Variants in CNTN4 observed in about 807,000 individuals in gnomAD.
The protein encoded by CNTN4 is contactin 4.
In CNTN4, 77 loss-of-function variants were observed where a neutral mutation model predicts 122.5. The ratio of observed to expected loss-of-function variants is 0.63; its 90% CI spans 0.52 to 0.76. The LOEUF is 0.76. Among genes scored for constraint, CNTN4 ranks in the 30% least tolerant of loss-of-function variants. CNTN4 has a pLI of 0.00. For missense variants in CNTN4, 1,256 were observed against 1,259.1 expected, an observed-to-expected ratio of 1.00 and a Z score of 0.04; for synonymous variants, 512 against 447.0, an observed-to-expected ratio of 1.15 and a Z score of -1.83.
chr3:2,389,744 A>G (rs1166384325), intron 3 of CNTN4, among the ~76,000 whole-genome samples: 3 of 152,232 alleles, frequency 2.0e-5, no homozygotes, highest in Non-Finnish European at 4.4e-5. Context: ...GCAGATACCA[A>G]CTGAATCAAG....
intron 3 of CNTN4, among the ~76,000 whole-genome samples, chr3:2,564,263 A>G (rs1168957904): frequency 6.6e-6 from 1 of 152,192 alleles, no homozygotes; most frequent in African/African-American, 2.4e-5. Flanking sequence ...AATAAAAGTA[A>G]AAGTTAAATA....
intron 6 of CNTN4, among the ~76,000 whole-genome samples, chr3:2,792,636 G>C (rs998284352): frequency 1.3e-5 from 2 of 152,180 alleles, no homozygotes; most frequent in African/African-American, 2.4e-5. Flanking sequence ...GAAAGAATCA[G>C]CTACAGAAAC....
At chr3:2,550,158 G>C (rs1252173442) in intron 3 of CNTN4, among the ~76,000 whole-genome samples, 1 of 152,028 alleles carries the variant, frequency 6.6e-6, no homozygotes, top group Non-Finnish European at 1.5e-5. Flanking sequence ...AGTTCCTGGA[G>C]TCATTGATTT....
intron 14 of CNTN4, among the ~76,000 whole-genome samples, chr3:2,994,884 C>T (rs925448928): frequency 2.6e-5 from 4 of 152,134 alleles, no homozygotes; most frequent in Admixed American, 6.5e-5. Context: ...CATACAATGA[C>T]GGTTGGCTGC....
intron 3 of CNTN4, among the ~76,000 whole-genome samples, chr3:2,562,833 C>A (rs1184092784): frequency 6.6e-6 from 1 of 152,072 alleles, no homozygotes; most frequent in East Asian, 1.9e-4. Context: ...AAACAATCCT[C>A]CCACCTCAGC....
intron 4 of CNTN4, among the ~76,000 whole-genome samples, chr3:2,595,085 G>A (rs1195274537): frequency 1.3e-5 from 2 of 152,114 alleles, no homozygotes; most frequent in Non-Finnish European, 2.9e-5. Flanking sequence ...ATACATTAGT[G>A]GGAACAGTAC....
chr3:2,676,473 C>T (rs758145506), intron 4 of CNTN4, among the ~76,000 whole-genome samples: 30 of 152,166 alleles, frequency 2.0e-4, no homozygotes, highest in Admixed American at 5.9e-4. Flanking sequence ...CCGGCTGCCT[C>T]GGCCTCCCAG....
chr3:2,305,187 A>G (rs1685457), intron 2 of CNTN4, among the ~76,000 whole-genome samples: 62,445 of 151,862 alleles, frequency 0.41, 13,145 homozygotes, highest in East Asian at 0.6. Context: ...TGGTGCTAGA[A>G]ATTTCTGATT....
At chr3:3,009,768 T>C (rs1440982161) in intron 14 of CNTN4, among the ~76,000 whole-genome samples, 1 of 152,186 alleles carries the variant, frequency 6.6e-6, no homozygotes, top group East Asian at 1.9e-4. Flanking sequence ...ATTGATCTTT[T>C]GTGTTAGTTG....
chr3:2,295,267 T>G (rs1288629530), intron 2 of CNTN4, among the ~76,000 whole-genome samples: 1 of 142,512 alleles, frequency 7.0e-6, no homozygotes, highest in East Asian at 2.3e-4. Flanking sequence ...ACTTCCACAA[T>G]GGTTGAACTA....
At chr3:2,249,815 T>G (rs2040305902) in intron 2 of CNTN4, among the ~76,000 whole-genome samples, 1 of 151,968 alleles carries the variant, frequency 6.6e-6, no homozygotes, top group African/African-American at 2.4e-5. Flanking sequence ...CATAGACCTT[T>G]TCTTTAAAAC....
At chr3:2,108,138 C>T (rs569326198) in intron 2 of CNTN4, among the ~76,000 whole-genome samples, 1 of 151,758 alleles carries the variant, frequency 6.6e-6, no homozygotes, top group African/African-American at 2.4e-5. Context: ...TCTAATCACC[C>T]ATCCTGGAAC....
At chr3:2,952,054 C>A (rs369886927) in intron 13 of CNTN4, among the ~76,000 whole-genome samples, 1 of 152,218 alleles carries the variant, frequency 6.6e-6, no homozygotes, top group Non-Finnish European at 1.5e-5. Context: ...TTCTACTACC[C>A]CTGGCCTGAG....
chr3:2,900,539 G>C (rs1325941281), intron 10 of CNTN4, 146 bp from the exon 11 acceptor site: 1 of 887,842 alleles, frequency 1.1e-6, no homozygotes, highest in South Asian at 1.5e-5. Flanking sequence ...GCACCTCCCT[G>C]AATGTCTCCC....
At chr3:2,623,926 T>G (rs146241581) in intron 4 of CNTN4, among the ~76,000 whole-genome samples, 18 of 152,302 alleles carry the variant, frequency 1.2e-4, no homozygotes, top group African/African-American at 3.4e-4. Flanking sequence ...CCCTGTCTGT[T>G]CATTTACCAT....
intron 2 of CNTN4, among the ~76,000 whole-genome samples, chr3:2,155,870 A>G (rs1298969182): frequency 1.3e-5 from 2 of 152,188 alleles, no homozygotes; most frequent in South Asian, 4.1e-4. Flanking sequence ...CTCAGAAAGC[A>G]CCACCTTCTT....
intron 3 of CNTN4, among the ~76,000 whole-genome samples, chr3:2,470,568 C>G (rs914924936): frequency 1.3e-5 from 2 of 152,216 alleles, no homozygotes; most frequent in East Asian, 3.9e-4. Flanking sequence ...CTGCTCCTGT[C>G]TTAATATTGT....
intron 4 of CNTN4, among the ~76,000 whole-genome samples, chr3:2,578,374 A>G (rs1417519749): frequency 3.9e-5 from 6 of 152,320 alleles, no homozygotes; most frequent in Non-Finnish European, 1.5e-5. Flanking sequence ...AGAATATTTC[A>G]TTAAAGCTCA....
intron 2 of CNTN4, among the ~76,000 whole-genome samples, chr3:2,309,935 T>G (rs555450920): frequency 8.5e-5 from 13 of 152,190 alleles, no homozygotes; most frequent in South Asian, 2.1e-4. Flanking sequence ...ATCTGTAAAA[T>G]AGTGGGAAAT....
Sources: gnomAD v4.1 joint callset for allele counts (sites outside exome capture counted in the v4.1 genomes callset) on GRCh38, gnomAD v4.1.1 for gene constraint, MANE v1.5 for transcripts, NCBI Gene and HGNC (gene_info 2026-07-23, HGNC 2026-07-21) for gene names.